ZCCHC10: variants seen among roughly 807,000 people sequenced by gnomAD.
ZCCHC10 encodes zinc finger CCHC domain-containing protein 10.
Under a neutral mutation model 19.5 loss-of-function variants are expected in ZCCHC10, and 16 were observed. That is an observed-to-expected ratio of 0.82 (90% CI 0.56 to 1.25). The LOEUF (loss-of-function observed/expected upper bound fraction) is 1.25, where lower values mean the gene tolerates loss of function less well. ZCCHC10 is among the 50% of genes most tolerant of loss of function. ZCCHC10 has a pLI of 0.00. For synonymous variants in ZCCHC10, 67 were observed against 72.5 expected (o/e 0.92, Z 0.38); for missense variants, 197 against 201.0 (o/e 0.98, Z 0.12).
At chr5:133,007,063 T>C (rs1280061927) in intron 2 of ZCCHC10, 143 bp from the exon 3 acceptor site, 5 of 803,076 alleles carry the variant, frequency 6.2e-6, no homozygotes, top group Non-Finnish European at 9.2e-6. Flanking sequence ...CCTTGTGAGA[T>C]TTAATACAAC....
At chr5:133,008,519 C>T (rs1284268646) in intron 2 of ZCCHC10, among the ~76,000 whole-genome samples, 1 of 128,184 alleles carries the variant, frequency 7.8e-6, no homozygotes, top group Non-Finnish European at 1.6e-5. Context: ...GCCTGGGCAA[C>T]AGGGTGAGAC....
chr5:133,022,860 G>A lies in ZCCHC10; in HGVS notation c.88C>T (p.Gln30Ter), dbSNP rs775994883. 1 of 613,726 alleles carries A rather than the reference G, an allele frequency of 1.6e-6. No homozygotes were observed. The highest frequency in any genetic ancestry group is 1.9e-5 in the African/African-American group (1 of 52,850). The allele number at this position is 613,726 out of a possible 1,614,324, so 38.0% of individuals were successfully genotyped here. A position where few individuals can be genotyped will look rare whatever the true frequency, so the allele number is the denominator to read the frequency against. ...GGATACCTAATAACGATGGATGGCT[G>A]AATCAGGATCCAAAAGGTCTTGACA... ...QPVKTFWILIQPSIVISEANK... is the reference protein window; with the variant it reads ...QPVKTFWILI Residue 30 changes from glutamine to a stop codon, truncating the protein, a stop_gained, in exon 2 of 5, where the codon CAG (glutamine) becomes TAG (stop). Transcript: ENST00000509437. LOFTEE classifies it high-confidence loss of function.
rs1764410223 is a variant in ZCCHC10, at chr5:133,022,835, G to T, written c.107+6C>A. On this transcript the variant is annotated splice_donor_region_variant and intron_variant, in intron 2 of 4. Coordinates refer to ENST00000509437, the MANE Select transcript of ZCCHC10 (RefSeq NM_001300816.3). The stretch of plus-strand genomic sequence containing the variant: ...CCTGCAGTTGACACAAAGCTGAGAG[G>T]GATACCTAATAACGATGGATGGCTG... The T allele has an allele frequency of 1.7e-6, 1 of 583,294 alleles. No individual in the cohort carries two copies. The highest frequency in any genetic ancestry group is 3.0e-6 in the Non-Finnish European group (1 of 330,134). The allele number at this position is 583,294 out of a possible 1,614,324, so 36.1% of individuals were successfully genotyped here.
At chr5:133,003,889 T>C (rs1416060310) in intron 3 of ZCCHC10, among the ~76,000 whole-genome samples, 1 of 151,888 alleles carries the variant, frequency 6.6e-6, no homozygotes, top group Non-Finnish European at 1.5e-5. Flanking sequence ...TTTGTATTTT[T>C]AGTAGAGACA....
At chr5:133,012,329 G>A (rs1464689339) in intron 2 of ZCCHC10, among the ~76,000 whole-genome samples, 1 of 149,108 alleles carries the variant, frequency 6.7e-6, no homozygotes, top group Non-Finnish European at 1.5e-5. Context: ...TTAGCCGGGT[G>A]TGGTGGTGCA....
At chr5:133,010,351 G>T (rs1763417884) in intron 2 of ZCCHC10, among the ~76,000 whole-genome samples, 1 of 151,816 alleles carries the variant, frequency 6.6e-6, no homozygotes. Context: ...GCCCAGTACA[G>T]GTCAGCAAAT....
At chr5:133,006,969 T>G in intron 2 of ZCCHC10, 49 bp from the exon 3 acceptor site, 2 of 1,504,468 alleles carry the variant, frequency 1.3e-6, no homozygotes, top group Non-Finnish European at 1.8e-6. Context: ...GTCTTGTGAC[T>G]TTCACCCTAA....
Position 133,000,123 on chromosome 5 carries a change from C to T in ZCCHC10, c.311+9G>A. 1.2e-6 allele frequency: 2 copies of T among 1,613,546 alleles called. No homozygotes were observed. Among genetic ancestry groups the T allele is most frequent in the South Asian group, 2.2e-5 (2 of 90,956 alleles). ...GTTATCTATAAAACACTGCTAAAAC[C>T]ACACATACCTTTTTTTCTTGGCCTT... is the stretch of plus-strand genomic sequence containing the variant. On this transcript the variant is annotated intron_variant, in intron 4 of 4. Transcript: ENST00000509437.
At chr5:133,000,089 G>A (rs1204209850) in intron 4 of ZCCHC10, 43 bp downstream of exon 4, 2 of 1,590,640 alleles carry the variant, frequency 1.3e-6, no homozygotes, top group Admixed American at 1.7e-5. Context: ...CCGCCAATTA[G>A]TATTACATGT....
At chr5:133,000,100 T>C (rs780480401) in intron 4 of ZCCHC10, 32 bp downstream of exon 4, 2 of 1,607,284 alleles carry the variant, frequency 1.2e-6, no homozygotes, top group East Asian at 2.2e-5. Flanking sequence ...TATTACATGT[T>C]ATCTATAAAA....
At chr5:133,003,381 A>G (rs1762898484) in intron 3 of ZCCHC10, 2 of 306,440 alleles carry the variant, frequency 6.5e-6, no homozygotes, top group African/African-American at 2.2e-5. Flanking sequence ...ATGTTTTACT[A>G]TAAAGCTCCT....
intron 2 of ZCCHC10, among the ~76,000 whole-genome samples, chr5:133,022,557 A>G (rs995346774): frequency 6.6e-6 from 1 of 151,674 alleles, no homozygotes; most frequent in African/African-American, 2.4e-5. Context: ...GGGTTCAAGC[A>G]ATTCTCCTGC....
intron 2 of ZCCHC10, among the ~76,000 whole-genome samples, chr5:133,014,351 G>C (rs1466281355): frequency 2.0e-5 from 3 of 151,764 alleles, no homozygotes; most frequent in Non-Finnish European, 4.4e-5. Context: ...TTTAGTAAAG[G>C]GGGGGTTTCC....
At chr5:133,013,082 A>T (rs1763672801) in intron 2 of ZCCHC10, among the ~76,000 whole-genome samples, 1 of 148,302 alleles carries the variant, frequency 6.7e-6, no homozygotes. Context: ...AAAAATAATA[A>T]ATAAATAAAA....
At chr5:133,005,880 T>C (rs1333126442) in intron 3 of ZCCHC10, among the ~76,000 whole-genome samples, 1 of 152,146 alleles carries the variant, frequency 6.6e-6, no homozygotes, top group African/African-American at 2.4e-5. Context: ...TGCATAACGC[T>C]TGAAGAACTT....
chr5:132,998,917 A>AT (rs887136053), intron 4 of ZCCHC10, 67 bp from the exon 5 acceptor site: 7,975 of 1,372,910 alleles, frequency 5.8e-3, no homozygotes, highest in East Asian at 0.012. Context: ...AAGCAATTTC[A>AT]TTTTTTTTTT....
intron 1 of ZCCHC10, among the ~76,000 whole-genome samples, chr5:133,023,645 T>C (rs1394427273): frequency 6.6e-6 from 1 of 151,722 alleles, no homozygotes; most frequent in Non-Finnish European, 1.5e-5. Flanking sequence ...GGGTAGCACA[T>C]GCCTGTAATC....
chr5:133,012,243 G>A (rs755116609), intron 2 of ZCCHC10, among the ~76,000 whole-genome samples: 7 of 151,342 alleles, frequency 4.6e-5, no homozygotes, highest in Non-Finnish European at 7.4e-5. Context: ...TGAGGCAGGC[G>A]AATCACCTGA....
In ZCCHC10 at chr5:133,022,878, T is replaced by C. The variant is rs1764415000; in HGVS notation, c.70A>G (p.Thr24Ala). The change falls in exon 2 of 5, where the codon ACC becomes GCC. Residue 24 changes from threonine to alanine, a missense_variant. Transcript: ENST00000509437. The part of the protein sequence containing the change: ...AFDTELQPVK[T>A]FWILIQPSIV... ...GATGGCTGAATCAGGATCCAAAAGG[T>C]CTTGACAGGCTGCAACTCTGTGTCG... is the stretch of plus-strand genomic sequence containing the variant. The C allele has an allele frequency of 3.2e-6, 2 of 616,654 alleles. No individual in the cohort carries two copies. Among genetic ancestry groups the C allele is most frequent in the Admixed American group, 5.8e-5 (2 of 34,662 alleles). The allele number at this position is 616,654 out of a possible 1,614,324, so 38.2% of individuals were successfully genotyped here.
Sources: gnomAD v4.1 joint callset for allele counts (sites outside exome capture counted in the v4.1 genomes callset) on GRCh38, gnomAD v4.1.1 for gene constraint, MANE v1.5 for transcripts, NCBI Gene and HGNC (gene_info 2026-07-23, HGNC 2026-07-21) for gene names.